The following CFAP61 variants were observed in gnomAD, a reference collection of about 807,000 sequenced individuals.
CFAP61 encodes the protein cilia and flagella associated protein 61.
CFAP61 carries 107 observed loss-of-function variants against 135.6 expected under a neutral mutation model. The observed-to-expected ratio is 0.79, with a 90% confidence interval of 0.67 to 0.93. The LOEUF (loss-of-function observed/expected upper bound fraction) is 0.93. Among genes scored for constraint, CFAP61 ranks in the 40% least tolerant of loss-of-function variants. The pLI is 0.00. For missense variants in CFAP61, 1,507 were observed against 1,556.2 expected (o/e 0.97, Z 0.53); for synonymous variants, 575 against 578.5 (o/e 0.99, Z 0.09).
At chr20:20,310,827 C>T (rs969511976) in intron 25 of CFAP61, among the ~76,000 whole-genome samples, 3 of 152,326 alleles carry the variant, frequency 2.0e-5, no homozygotes, top group African/African-American at 7.2e-5. Context: ...CCAAATACTG[C>T]CACAGCCAGG....
At chr20:20,346,361 A>G (rs1301437768) in intron 26 of CFAP61, among the ~76,000 whole-genome samples, 1 of 151,150 alleles carries the variant, frequency 6.6e-6, no homozygotes, top group Non-Finnish European at 1.5e-5. Context: ...TACTAAAAAT[A>G]CAAAAAACTA....
At chr20:20,316,174 T>C (rs533980759) in intron 25 of CFAP61, among the ~76,000 whole-genome samples, 45 of 152,250 alleles carry the variant, frequency 3.0e-4, no homozygotes, top group African/African-American at 1.1e-3. Flanking sequence ...CCCATGAGCA[T>C]GGAATGTTCT....
intron 13 of CFAP61, among the ~76,000 whole-genome samples, chr20:20,185,453 A>G (rs1389516123): frequency 6.6e-6 from 1 of 152,208 alleles, no homozygotes; most frequent in African/African-American, 2.4e-5. Context: ...GCATTTTGAA[A>G]GCAGAGCCAG....
At chr20:20,103,115 T>C (rs894849994) in intron 8 of CFAP61, among the ~76,000 whole-genome samples, 4 of 152,174 alleles carry the variant, frequency 2.6e-5, no homozygotes, top group African/African-American at 9.7e-5. Flanking sequence ...CCATGACTGC[T>C]TGTCCTGAGC....
chr20:20,355,985 A>AT (rs1569331864), intron 26 of CFAP61, among the ~76,000 whole-genome samples: 1 of 6,866 alleles, frequency 1.5e-4, no homozygotes, highest in South Asian at 0.05. Context: ...CTGTGAGGGG[A>AT]CGTCACACTG....
At chr20:20,191,593 AT>A (rs1463423312) in intron 15 of CFAP61, among the ~76,000 whole-genome samples, 174 bp downstream of exon 15, 2 of 152,060 alleles carry the variant, frequency 1.3e-5, no homozygotes, top group African/African-American at 4.8e-5. Context: ...GCAATTCTCC[AT>A]TTTTTTGCAG....
intron 2 of CFAP61, among the ~76,000 whole-genome samples, chr20:20,068,864 C>A (rs2045505852): frequency 6.6e-6 from 1 of 152,196 alleles, no homozygotes; most frequent in Non-Finnish European, 1.5e-5. Context: ...CCTGCCTCAG[C>A]CTCCCAAGTA....
At chr20:20,118,580 A>G (rs1420445928) in intron 8 of CFAP61, among the ~76,000 whole-genome samples, 1 of 151,768 alleles carries the variant, frequency 6.6e-6, no homozygotes, top group Non-Finnish European at 1.5e-5. Context: ...ACCTCAGGTG[A>G]TCTGCCCGCC....
intron 17 of CFAP61, 94 bp downstream of exon 17, chr20:20,199,996 C>A (rs1265322206): frequency 1.4e-6 from 2 of 1,423,832 alleles, no homozygotes; most frequent in Non-Finnish European, 1.9e-6. Flanking sequence ...GAGCAGGCTG[C>A]TTCTTAATTA....
intron 20 of CFAP61, chr20:20,253,652 A>C: frequency 2.2e-6 from 1 of 446,148 alleles, no homozygotes; most frequent in Non-Finnish European, 4.4e-6. Flanking sequence ...CGCACCTACC[A>C]ACTCCACCTT....
At chr20:20,070,731 C>A in intron 2 of CFAP61, 123 bp from the exon 3 acceptor site, 1 of 812,700 alleles carries the variant, frequency 1.2e-6, no homozygotes. Context: ...TCACCTTTTC[C>A]AAAGATTATC....
intron 20 of CFAP61, among the ~76,000 whole-genome samples, chr20:20,261,997 G>A (rs1346562859): frequency 6.6e-6 from 1 of 152,174 alleles, no homozygotes; most frequent in Non-Finnish European, 1.5e-5. Context: ...GACAAGACAA[G>A]GAATAATCCT....
At chr20:20,100,402 A>C (rs1433070798) in intron 8 of CFAP61, among the ~76,000 whole-genome samples, 1 of 152,036 alleles carries the variant, frequency 6.6e-6, no homozygotes, top group Non-Finnish European at 1.5e-5. Flanking sequence ...TGAACTCCTG[A>C]CCTCAGGTGA....
chr20:20,245,518 G>A (rs953954772), intron 18 of CFAP61, among the ~76,000 whole-genome samples: 7 of 152,262 alleles, frequency 4.6e-5, no homozygotes, highest in South Asian at 2.1e-4. Context: ...CCCATGATTC[G>A]GTTACCTCTC....
chr20:20,199,395 G>A (rs1366971551), intron 16 of CFAP61, among the ~76,000 whole-genome samples: 1 of 152,122 alleles, frequency 6.6e-6, no homozygotes, highest in African/African-American at 2.4e-5. Flanking sequence ...TGCCAAACAT[G>A]CAAAGGTTAA....
intron 25 of CFAP61, among the ~76,000 whole-genome samples, chr20:20,298,604 A>T (rs1872227842): frequency 6.6e-6 from 1 of 152,220 alleles, no homozygotes; most frequent in Non-Finnish European, 1.5e-5. Flanking sequence ...CCATGGCCAC[A>T]CCAGGGCCTG....
rs528605555 is a variant in CFAP61 at position 20,321,991 on chromosome 20, T to C, written c.3423-19840T>C. On this transcript the variant is annotated intron_variant, in intron 25 of 26. Transcript: ENST00000245957. ...TCCCTCTGAATTTCCTGGCCTGACA[T>C]ATAAGAAGTCTAACTATCCTCAGAC... Among the ~76,000 whole-genome samples, 10 of 152,250 alleles carry C rather than the reference T, an allele frequency of 6.6e-5. No homozygotes were observed. The South Asian group carries it at 2.1e-3, about 32-fold the overall frequency.
chr20:20,132,592 G>A (rs1183977460), intron 8 of CFAP61, among the ~76,000 whole-genome samples: 1 of 151,834 alleles, frequency 6.6e-6, no homozygotes, highest in Non-Finnish European at 1.5e-5. Context: ...GTTCATGAGA[G>A]GTGTGTTAAA....
intron 22 of CFAP61, among the ~76,000 whole-genome samples, chr20:20,282,106 T>C (rs1221616110): frequency 1.3e-5 from 2 of 152,244 alleles, no homozygotes; most frequent in African/African-American, 4.8e-5. Flanking sequence ...TAATAACCCC[T>C]CATTTATTTC....
Sources: gnomAD v4.1 joint callset for allele counts (sites outside exome capture counted in the v4.1 genomes callset) on GRCh38, gnomAD v4.1.1 for gene constraint, MANE v1.5 for transcripts, NCBI Gene and HGNC (gene_info 2026-07-23, HGNC 2026-07-21) for gene names.